Variants in CACNA2D3 observed in about 807,000 individuals in gnomAD.
The protein encoded by CACNA2D3 is calcium voltage-gated channel auxiliary subunit alpha2delta 3, also known as voltage-dependent calcium channel subunit alpha-2/delta-3.
In CACNA2D3, 60 loss-of-function variants were observed where a neutral mutation model predicts 160.6. That is an observed-to-expected ratio of 0.37 (90% confidence interval 0.30 to 0.46). CACNA2D3 has a LOEUF of 0.46. CACNA2D3 is among the 20% of genes least tolerant of loss of function. The pLI is 1.00. For synonymous variants in CACNA2D3, 558 were observed against 492.9 expected (o/e 1.13, Z -1.75); for missense variants, 1,205 against 1,365.0 (o/e 0.88, Z 1.85).
chr3:54,595,115 ATG>A (rs1378366946), intron 9 of CACNA2D3, among the ~76,000 whole-genome samples: 1 of 152,218 alleles, frequency 6.6e-6, no homozygotes, highest in Non-Finnish European at 1.5e-5. Flanking sequence ...TTATGTGATA[ATG>A]TATCCTTATG....
chr3:54,973,153 G>A (rs1702313733), intron 29 of CACNA2D3, among the ~76,000 whole-genome samples: 1 of 152,058 alleles, frequency 6.6e-6, no homozygotes, highest in Non-Finnish European at 1.5e-5. Context: ...GAAGAGCTTT[G>A]CAAGCAGAGA....
At chr3:54,796,004 G>A (rs1702858956) in intron 13 of CACNA2D3, among the ~76,000 whole-genome samples, 1 of 152,154 alleles carries the variant, frequency 6.6e-6, no homozygotes, top group Admixed American at 6.5e-5. Flanking sequence ...GAGAGAATCA[G>A]CAATCCCAGC....
At chr3:54,203,457 G>T (rs1474803875) in intron 2 of CACNA2D3, among the ~76,000 whole-genome samples, 1 of 152,166 alleles carries the variant, frequency 6.6e-6, no homozygotes, top group Admixed American at 6.5e-5. Context: ...GCTTGTGTTA[G>T]CTCAGTTAGA....
At chr3:54,228,563 A>C (rs1312322122) in intron 2 of CACNA2D3, among the ~76,000 whole-genome samples, 1 of 152,192 alleles carries the variant, frequency 6.6e-6, no homozygotes, top group East Asian at 1.9e-4. Context: ...TAGCAACTTC[A>C]TGGGGATTCT....
chr3:54,846,361 A>C, intron 16 of CACNA2D3, 32 bp from the exon 17 acceptor site: 1 of 1,452,402 alleles, frequency 6.9e-7, no homozygotes, highest in Non-Finnish European at 9.6e-7. Flanking sequence ...GGAGCAAGCT[A>C]ATGAAGGTTT....
intron 9 of CACNA2D3, among the ~76,000 whole-genome samples, chr3:54,620,521 A>T (rs1698961378): frequency 6.6e-6 from 1 of 152,164 alleles, no homozygotes; most frequent in Non-Finnish European, 1.5e-5. Context: ...TCACGTACAA[A>T]TCACAGATTC....
chr3:54,390,667 A>G (rs555159446), intron 4 of CACNA2D3, among the ~76,000 whole-genome samples: 3 of 152,302 alleles, frequency 2.0e-5, no homozygotes, highest in Non-Finnish European at 2.9e-5. Flanking sequence ...CTGGCTGTGC[A>G]TGGAAGGATT....
intron 5 of CACNA2D3, among the ~76,000 whole-genome samples, chr3:54,509,800 A>G (rs1413826713): frequency 1.3e-5 from 2 of 152,218 alleles, no homozygotes; most frequent in East Asian, 3.8e-4. Context: ...TTTGGAAATT[A>G]TATTTTATAT....
chr3:54,171,135 A>ATTTTTTTTTTTT (rs1700557445), intron 2 of CACNA2D3, among the ~76,000 whole-genome samples: 8 of 18,748 alleles, frequency 4.3e-4, no homozygotes, highest in Non-Finnish European at 6.8e-4. Flanking sequence ...AAAGATGATG[A>ATTTTTTTTTTTT]CTTTTTTTTT....
chr3:54,276,572 C>CA (rs34052239), intron 2 of CACNA2D3, among the ~76,000 whole-genome samples: 4,118 of 114,504 alleles, frequency 0.036, 188 homozygotes, highest in African/African-American at 0.1. Flanking sequence ...GACTCTGTCT[C>CA]AAAAAAAAAA....
intron 17 of CACNA2D3, among the ~76,000 whole-genome samples, chr3:54,856,713 C>T (rs1699179148): frequency 2.0e-5 from 3 of 152,250 alleles, no homozygotes; most frequent in East Asian, 3.9e-4. Context: ...AACAAAAAGT[C>T]GGGAGAGGTA....
chr3:54,727,917 G>T (rs1470463967), intron 11 of CACNA2D3, among the ~76,000 whole-genome samples: 2 of 152,078 alleles, frequency 1.3e-5, no homozygotes, highest in South Asian at 2.1e-4. Context: ...ATTAAAAAAA[G>T]ATATGTTCTG....
intron 35 of CACNA2D3, among the ~76,000 whole-genome samples, chr3:55,055,370 C>T (rs532480309): frequency 2.5e-4 from 38 of 152,162 alleles, no homozygotes; most frequent in African/African-American, 8.2e-4. Flanking sequence ...TGTACAGGTT[C>T]ATTTCTGGGC....
intron 3 of CACNA2D3, among the ~76,000 whole-genome samples, chr3:54,345,282 T>C (rs9826490): frequency 0.07 from 10,682 of 152,314 alleles, 717 homozygotes; most frequent in African/African-American, 0.17. Context: ...ACCCCTTTCC[T>C]GTAACACAAC....
chr3:54,482,533 T>G (rs565044646), intron 4 of CACNA2D3, among the ~76,000 whole-genome samples: 182 of 152,294 alleles, frequency 1.2e-3, no homozygotes, highest in Non-Finnish European at 2.1e-3. Context: ...ATAATTTATG[T>G]TTATTTTCTG....
At chr3:54,428,660 C>T (rs186313268) in intron 4 of CACNA2D3, among the ~76,000 whole-genome samples, 4 of 151,678 alleles carry the variant, frequency 2.6e-5, no homozygotes, top group African/African-American at 7.3e-5. Flanking sequence ...TATCAACGAT[C>T]TCTTTCTACC....
At chr3:54,455,740 G>T (rs1242169782) in intron 4 of CACNA2D3, among the ~76,000 whole-genome samples, 2 of 152,006 alleles carry the variant, frequency 1.3e-5, no homozygotes, top group African/African-American at 4.8e-5. Flanking sequence ...ATTTTGAGTT[G>T]ATTTTTTTCT....
chr3:54,249,750 T>C (rs1241428646), intron 2 of CACNA2D3, among the ~76,000 whole-genome samples: 2 of 142,028 alleles, frequency 1.4e-5, no homozygotes, highest in Non-Finnish European at 1.5e-5. Flanking sequence ...TTCAACATTC[T>C]ATACCAAAAT....
At chr3:54,370,136 A>G (rs1395266736) in intron 3 of CACNA2D3, among the ~76,000 whole-genome samples, 1 of 152,194 alleles carries the variant, frequency 6.6e-6, no homozygotes, top group Admixed American at 6.5e-5. Context: ...TGTTGTTGCA[A>G]ATCTATGATC....
Sources: allele counts gnomAD v4.1 joint callset (sites outside exome capture counted in the v4.1 genomes callset), GRCh38; gene constraint gnomAD v4.1.1; transcripts MANE v1.5; gene names NCBI Gene and HGNC (gene_info 2026-07-23, HGNC 2026-07-21).